The following IL2RA variants were observed in gnomAD, a reference collection of about 807,000 sequenced individuals.
IL2RA encodes interleukin-2 receptor subunit alpha.
Under a neutral mutation model 37.8 loss-of-function variants are expected in IL2RA, and 24 were observed. The observed-to-expected ratio is 0.63, with a 90% CI of 0.46 to 0.89. The LOEUF (loss-of-function observed/expected upper bound fraction) is 0.89, where lower values mean the gene tolerates loss of function less well. IL2RA is among the 40% of genes least tolerant of loss of function. IL2RA has a pLI of 0.00. For missense variants in IL2RA, 319 were observed against 348.6 expected (o/e 0.92, Z 0.68); for synonymous variants, 125 against 114.6 (o/e 1.09, Z -0.58).
intron 1 of IL2RA, among the ~76,000 whole-genome samples, chr10:6,051,361 C>T (rs748742622): frequency 1.1e-4 from 16 of 151,974 alleles, no homozygotes; most frequent in Non-Finnish European, 1.6e-4. Flanking sequence ...ACTTTAACTC[C>T]GGGGACTTCA....
Position 6,018,046 on chromosome 10 carries a change from C to T in IL2RA, c.794+7G>A, listed in dbSNP as rs767716223. 2 of 1,613,250 alleles carry T rather than the reference C, an allele frequency of 1.2e-6. No homozygotes were observed. The highest frequency in any genetic ancestry group is 2.2e-5 in the South Asian group (2 of 90,978). On this transcript the variant is annotated splice_region_variant and intron_variant, in intron 7 of 7. Transcript: ENST00000379959. This position sits in a 1 kb window ranked among gnomAD's most constrained non-coding sequence, Gnocchi z 5.1. The stretch of plus-strand genomic sequence containing the variant: ...ACCAAGGGCTGCCTTGGTGATGCCA[C>T]ACTTACTGTCTCCGCTGCCAGGTGA...
At chr10:6,052,997 G>A (rs1204340736) in intron 1 of IL2RA, among the ~76,000 whole-genome samples, 2 of 152,180 alleles carry the variant, frequency 1.3e-5, no homozygotes, top group Admixed American at 1.3e-4. Flanking sequence ...CAGGAGGCCG[G>A]CTGCTCTAGC....
Position 6,029,323 on chromosome 10 carries a change from T to G in IL2RA, c.65-3298A>C, listed in dbSNP as rs898233688. On this transcript the variant is annotated intron_variant, in intron 1 of 7. Transcript: ENST00000379959. This position sits in a 1 kb window ranked among gnomAD's most constrained non-coding sequence, Gnocchi z 4.6. ...GGGATTATAGGTGTGCGCCAACACG[T>G]CTGGCTACTTTTTGTGTTTTTAGTA... Among the ~76,000 whole-genome samples the G allele has an allele frequency of 1.2e-4, 18 of 151,842 alleles. No homozygotes were observed. The highest frequency in any genetic ancestry group is 3.6e-4 in the African/African-American group (15 of 41,354).
Position 6,011,518 on chromosome 10 carries a change from G to A in IL2RA, c.*1354C>T, listed in dbSNP as rs1190575849. On this transcript the variant is annotated 3_prime_UTR_variant, in exon 8 of 8. Coordinates refer to ENST00000379959, the MANE Select transcript of IL2RA (RefSeq NM_000417.3). The surrounding 1 kb of genome is among the most constrained non-coding windows in gnomAD (Gnocchi z 5.2). The stretch of plus-strand genomic sequence containing the variant: ...CTAATATGCTGAACTTTTTGATAAT[G>A]TTCAAGGACTGCTGGTATGCTCATC... 2 of 152,212 alleles carry A rather than the reference G, an allele frequency of 1.3e-5. No individual in the cohort carries two copies. Among genetic ancestry groups the A allele is most frequent in the African/African-American group, 4.8e-5 (2 of 41,454 alleles). The allele number at this position is 152,212 out of a possible 1,614,324, so 9.4% of individuals were successfully genotyped here. A position where few individuals can be genotyped will look rare whatever the true frequency, so the allele number is the denominator to read the frequency against.
rs12722711 is a variant in IL2RA at position 6,013,282 on chromosome 10, G to C, written c.795-386C>G. Among the ~76,000 whole-genome samples, 598 of 152,326 alleles carry C rather than the reference G, an allele frequency of 3.9e-3. 7 individuals are homozygous for C. Among genetic ancestry groups the C allele is most frequent in the African/African-American group, 0.014 (573 of 41,570 alleles). ...GATGGAAATCTTTTGCAGTTGTGCT[G>C]TCCGATAACACAGACACCTGTGGCT... On this transcript the variant is annotated intron_variant, in intron 7 of 7. Coordinates refer to ENST00000379959, the MANE Select transcript of IL2RA (RefSeq NM_000417.3).
At chr10:6,039,608 A>C (rs1030511453) in intron 1 of IL2RA, 1 of 152,194 alleles carries the variant, frequency 6.6e-6, no homozygotes, top group Non-Finnish European at 1.5e-5. Flanking sequence ...GTGGGTATCT[A>C]TGGGGTAGGA....
At chr10:6,040,342 T>A (rs1007730775) in intron 1 of IL2RA, among the ~76,000 whole-genome samples, 1 of 152,254 alleles carries the variant, frequency 6.6e-6, no homozygotes, top group African/African-American at 2.4e-5. Context: ...GAGAATGCTG[T>A]ATTCGGTTGT....
chr10:6,021,713 C>G lies in IL2RA; in HGVS notation c.368-20G>C. The G allele has an allele frequency of 1.2e-6, 2 of 1,609,538 alleles. No individual in the cohort carries two copies. The highest frequency in any genetic ancestry group is 2.2e-5 in the South Asian group (2 of 90,902). On this transcript the variant is annotated intron_variant, in intron 3 of 7. Coordinates refer to ENST00000379959, the MANE Select transcript of IL2RA (RefSeq NM_000417.3). The surrounding 1 kb of genome is among the most constrained non-coding windows in gnomAD (Gnocchi z 4.9). Reference sequence around the variant, plus strand: ...AGTGACCTGGAAGATGGAAGGAATGCTCTGAAGGCAAGTTGGGGACAGCAC... The same window carrying G: ...AGTGACCTGGAAGATGGAAGGAATGGTCTGAAGGCAAGTTGGGGACAGCAC...
intron 1 of IL2RA, among the ~76,000 whole-genome samples, chr10:6,040,314 A>C (rs1470926955): frequency 6.6e-6 from 1 of 152,224 alleles, no homozygotes; most frequent in Non-Finnish European, 1.5e-5. Context: ...TTGAATTCAT[A>C]TTCTAAGAAC....
intron 1 of IL2RA, among the ~76,000 whole-genome samples, chr10:6,050,950 G>T (rs1839944312): frequency 6.6e-6 from 1 of 152,166 alleles, no homozygotes; most frequent in African/African-American, 2.4e-5. Context: ...AGTAAACCAG[G>T]GATCAACATC....
chr10:6,050,723 A>G lies in IL2RA; in HGVS notation c.64+11365T>C, dbSNP rs370928127. On this transcript the variant is annotated intron_variant, in intron 1 of 7. Coordinates refer to ENST00000379959, the MANE Select transcript of IL2RA (RefSeq NM_000417.3). ...GTGGCCATGAGGAATCTGTAAGATC[A>G]CAGAAGCAGAGCACGCAGCAAGGCC... Among the ~76,000 whole-genome samples the G allele has an allele frequency of 2.4e-3, 365 of 152,352 alleles. 18 individuals carry two copies. In the South Asian group the frequency reaches 0.071, roughly 30 times the overall value.
chr10:6,015,928 C>T lies in IL2RA; in HGVS notation c.794+2125G>A, dbSNP rs1839268289. 6.6e-6 allele frequency among the ~76,000 whole-genome samples: 1 copy of T among 152,174 alleles called. No homozygotes were observed. Among genetic ancestry groups the T allele is most frequent in the South Asian group, 2.1e-4 (1 of 4,822 alleles). On this transcript the variant is annotated intron_variant, in intron 7 of 7. Transcript: ENST00000379959. The surrounding 1 kb of genome is among the most constrained non-coding windows in gnomAD (Gnocchi z 4.9). ...AGACGGAACATAGAGTGGTGGTTTC[C>T]CGGGGCTGGGGAGAATGGGGAACTT...
At chr10:6,024,525 C>T (rs1024769629) in intron 2 of IL2RA, among the ~76,000 whole-genome samples, 171 bp from the exon 3 acceptor site, 2 of 152,198 alleles carry the variant, frequency 1.3e-5, no homozygotes, top group South Asian at 2.1e-4. Context: ...CTCCCAGCAC[C>T]GGCCTCTGGG....
At chr10:6,023,397 G>A (rs957317488) in intron 3 of IL2RA, among the ~76,000 whole-genome samples, 2 of 152,138 alleles carry the variant, frequency 1.3e-5, no homozygotes, top group Non-Finnish European at 2.9e-5. Flanking sequence ...GTGCAGTGAT[G>A]CAATCTCTGC....
chr10:6,041,814 T>TA (rs1407859553), intron 1 of IL2RA, among the ~76,000 whole-genome samples: 1 of 152,124 alleles, frequency 6.6e-6, no homozygotes, highest in Non-Finnish European at 1.5e-5. Context: ...ATAGCTTTAG[T>TA]AACAGGAGAA....
chr10:6,024,577 C>A (rs542794203), intron 2 of IL2RA, among the ~76,000 whole-genome samples: 1 of 152,034 alleles, frequency 6.6e-6, no homozygotes, highest in African/African-American at 2.4e-5. Flanking sequence ...TGTTTTTGAG[C>A]GTGTGTATAC....
In IL2RA at chr10:6,021,492, G is replaced by A; in HGVS notation, c.569C>T (p.Thr190Ile). 6.2e-7 allele frequency: 1 copy of A among 1,613,884 alleles called. No individual in the cohort carries two copies. The highest frequency in any genetic ancestry group is 8.5e-7 in the Non-Finnish European group (1 of 1,179,956). The change falls in exon 4 of 8, where the codon ACC (threonine) becomes ATC (isoleucine). Residue 190 changes from threonine to isoleucine, a missense_variant. Physicochemically the swap from Thr to Ile is moderately conservative, Grantham distance 89 (BLOSUM62 -1). Coordinates refer to ENST00000379959, the MANE Select transcript of IL2RA (RefSeq NM_000417.3). The surrounding 1 kb of genome is among the most constrained non-coding windows in gnomAD (Gnocchi z 4.9). ...AGCCACCCTACCTGGAAACTGACTG[G>A]TCTCCATTTCACCTGTGCATATGAG... ...PQLICTGEMETSQFPGEEKPQ... is the reference protein window; with the variant it reads ...PQLICTGEMEISQFPGEEKPQ...
Position 6,014,740 on chromosome 10 carries a change from C to T in IL2RA, c.795-1844G>A, listed in dbSNP as rs1008618602. On this transcript the variant is annotated intron_variant, in intron 7 of 7. Transcript: ENST00000379959. The surrounding 1 kb of genome is among the most constrained non-coding windows in gnomAD (Gnocchi z 4.4). ...GGAGTCAGCTAACCCCTTAGAGAAA[C>T]TGGTAGACTGCCGGGTATATGAATC... Among the ~76,000 whole-genome samples the T allele has an allele frequency of 1.1e-4, 17 of 152,188 alleles. 1 individual carries two copies. The highest frequency in any genetic ancestry group is 7.9e-4 in the Admixed American group (12 of 15,276).
chr10:6,032,256 A>T (rs918175253), intron 1 of IL2RA, among the ~76,000 whole-genome samples: 3 of 152,320 alleles, frequency 2.0e-5, no homozygotes, highest in Admixed American at 6.5e-5. Context: ...CATAAAAGGC[A>T]AAACTAAAAA....
Sources: gnomAD v4.1 joint callset for allele counts (sites outside exome capture counted in the v4.1 genomes callset) on GRCh38, gnomAD v4.1.1 for gene constraint, Gnocchi (gnomAD v3.1) non-coding constraint, MANE v1.5 for transcripts, NCBI Gene and HGNC (gene_info 2026-07-23, HGNC 2026-07-21) for gene names.